Variants in CBARP observed in about 807,000 individuals in gnomAD.
CBARP encodes CACN subunit beta associated regulatory protein.
A neutral mutation model predicts 36.3 loss-of-function variants in CBARP; 24 were observed. That is an observed-to-expected ratio of 0.66 (90% CI 0.48 to 0.93). CBARP has a LOEUF of 0.93. Ranked by LOEUF, CBARP falls within the 40% of genes least tolerant of loss-of-function variation. The pLI is 0.00. For synonymous variants in CBARP, 586 were observed against 453.2 expected (o/e 1.29, Z -3.72); for missense variants, 1,146 against 980.4 (o/e 1.17, Z -2.26).
chr19:1,232,648 A>G (rs1389118512), intron 8 of CBARP, among the ~76,000 whole-genome samples: 1 of 152,246 alleles, frequency 6.6e-6, no homozygotes, highest in African/African-American at 2.4e-5. Context: ...CAAGGCCTGC[A>G]GAATTGAAGG....
intron 8 of CBARP, 32 bp from the exon 9 acceptor site, chr19:1,231,307 G>A (rs778611032): frequency 6.9e-6 from 11 of 1,587,638 alleles, no homozygotes; most frequent in African/African-American, 4.0e-5. Context: ...AGCGTCAGCC[G>A]GCATGTGCCT....
intron 6 of CBARP, 63 bp from the exon 7 acceptor site, chr19:1,234,394 G>A (rs1370737130): frequency 1.4e-6 from 2 of 1,435,726 alleles, no homozygotes; most frequent in South Asian, 1.5e-5. Flanking sequence ...GGTGGGTGAG[G>A]GACATGGGCA....
At chr19:1,238,446 C>G (rs997364504), upstream of CBARP, 1 of 152,624 alleles carries the variant, frequency 6.6e-6, no homozygotes, top group Non-Finnish European at 1.5e-5. Context: ...CCTCTCCTGC[C>G]CCCTCCCCTG....
At chr19:1,236,822 G>C (rs1246219957) in intron 1 of CBARP, among the ~76,000 whole-genome samples, 1 of 147,574 alleles carries the variant, frequency 6.8e-6, no homozygotes, top group East Asian at 2.0e-4. Context: ...GCCAGGGAGC[G>C]GCGGGGAGGG....
At position 1,229,682 on chromosome 19, in the gene CBARP, C is replaced by A. The variant is rs868864580; in HGVS notation, c.1615G>T (p.Asp539Tyr). Residue 539 changes from aspartate (D) to tyrosine (Y), a missense_variant, in exon 10 of 10, where the codon GAC becomes TAC. By Grantham distance (160) the Asp-to-Tyr change is radical. Coordinates refer to ENST00000650044, the MANE Select transcript of CBARP (RefSeq NM_001393918.1). This position sits in a 1 kb window ranked among gnomAD's most constrained non-coding sequence, Gnocchi z 5.1. ...TCCGTCTTCTCGTCGATGCTGTAGT[C>A]GCGGCGCGGGCGGCGGGGCCAGGCG... ...PRAWPRRPRR[D>Y]YSIDEKTDAL... The A allele has an allele frequency of 3.7e-6, 4 of 1,081,676 alleles. No homozygotes were observed. The South Asian group carries it at 7.9e-5, about 21-fold the overall frequency. The allele number at this position is 1,081,676 out of a possible 1,614,324, so 67.0% of individuals were successfully genotyped here.
chr19:1,229,734 G>C lies in CBARP; in HGVS notation c.1563C>G (p.Ala521=). Reference sequence around the variant, plus strand: ...GCGGGCTGCGGGGCCGGGCGGGCGCGGCAGGTGGCTCGGTGTCGTCGCCTG... The same window carrying C: ...GCGGGCTGCGGGGCCGGGCGGGCGCCGCAGGTGGCTCGGTGTCGTCGCCTG... ...RGAGDDTEPP[A]APARPRSPRA... Residue 521 remains alanine, a synonymous_variant, in exon 10 of 10, where the codon GCC becomes GCG. Coordinates refer to ENST00000650044, the MANE Select transcript of CBARP (RefSeq NM_001393918.1). The surrounding 1 kb of genome is among the most constrained non-coding windows in gnomAD (Gnocchi z 5.1). 1 of 987,146 alleles carries C rather than the reference G, an allele frequency of 1.0e-6. No homozygotes were observed. The highest frequency in any genetic ancestry group is 1.2e-6 in the Non-Finnish European group (1 of 830,938). The allele number at this position is 987,146 out of a possible 1,614,324, so 61.1% of individuals were successfully genotyped here. A position where few individuals can be genotyped will look rare whatever the true frequency, so the allele number is the denominator to read the frequency against.
intron 9 of CBARP, 93 bp from the exon 10 acceptor site, chr19:1,230,235 G>A (rs1191565736): frequency 1.0e-5 from 10 of 993,996 alleles, no homozygotes; most frequent in African/African-American, 8.7e-5. Context: ...GGGTGGACGC[G>A]GGTGGGACTT....
intron 3 of CBARP, 66 bp downstream of exon 3, chr19:1,235,713 C>T: frequency 2.5e-6 from 4 of 1,602,286 alleles, no homozygotes; most frequent in Non-Finnish European, 3.4e-6. Context: ...GTGAGGTAGA[C>T]CCCCCACCAC....
chr19:1,234,183 GC>G lies in CBARP; in HGVS notation c.768+7del. 6.6e-7 allele frequency: 1 copy of G among 1,512,416 alleles called. No homozygotes were observed. The highest frequency in any genetic ancestry group is 8.8e-7 in the Non-Finnish European group (1 of 1,135,216). 93.7% of individuals were successfully genotyped at this position (1,512,416 alleles called of 1,614,324 possible). ...TGGACACCATGGGGGACACGCAGGG[GC>G]CCTCACCGAGGTGCCTTCCCCAGAG... On this transcript the variant is annotated splice_region_variant and intron_variant, in intron 7 of 9. Coordinates refer to ENST00000650044, the MANE Select transcript of CBARP (RefSeq NM_001393918.1).
chr19:1,230,933 G>A, intron 9 of CBARP, 168 bp downstream of exon 9: 7 of 1,582,536 alleles, frequency 4.4e-6, no homozygotes, highest in Non-Finnish European at 6.0e-6. Context: ...GGTCCATGCT[G>A]GAGAGGTGGC....
At chr19:1,236,385 T>C (rs944040713) in intron 1 of CBARP, among the ~76,000 whole-genome samples, 1 of 152,166 alleles carries the variant, frequency 6.6e-6, no homozygotes, top group Non-Finnish European at 1.5e-5. Context: ...CCATCACAAC[T>C]GCACACAGCC....
intron 8 of CBARP, among the ~76,000 whole-genome samples, chr19:1,232,441 C>T (rs1016913567): frequency 1.3e-4 from 20 of 152,204 alleles, no homozygotes; most frequent in Non-Finnish European, 1.5e-5. Flanking sequence ...CCTGGCCTCA[C>T]CTGACGACAG....
chr19:1,230,154 G>T lies in CBARP; in HGVS notation c.1155-12C>A. ...CGGCCGCCTCTAGCCTGCAAGCCAG[G>T]CCGCGCCGTCAGAGCCCCGCCGAGC... On this transcript the variant is annotated splice_polypyrimidine_tract_variant and intron_variant, in intron 9 of 9. Coordinates refer to ENST00000650044, the MANE Select transcript of CBARP (RefSeq NM_001393918.1). 3 of 1,006,284 alleles carry T rather than the reference G, an allele frequency of 3.0e-6. No individual in the cohort carries two copies. Among genetic ancestry groups the T allele is most frequent in the Non-Finnish European group, 3.6e-6 (3 of 842,042 alleles). 62.3% of individuals were successfully genotyped at this position (1,006,284 alleles called of 1,614,324 possible). A position where few individuals can be genotyped will look rare whatever the true frequency, so the allele number is the denominator to read the frequency against.
intron 1 of CBARP, among the ~76,000 whole-genome samples, chr19:1,236,804 G>T (rs1258307070): frequency 6.7e-6 from 1 of 149,152 alleles, no homozygotes; most frequent in Non-Finnish European, 1.5e-5. Context: ...CGGCTGGGGG[G>T]GCGGGTTGCC....
Position 1,229,564 on chromosome 19 carries a change from C to CGGGCGTGCGG in CBARP, c.1723_1732dup (p.Arg578ProfsTer230). ...CTGCCGGCCACGCTGCCACTGTTTG[C>CGGGCGTGCGG]GGGCGTGCGGGTGCGCGCGGGCGCG... On this transcript the variant is annotated frameshift_variant, in exon 10 of 10. Coordinates refer to ENST00000650044, the MANE Select transcript of CBARP (RefSeq NM_001393918.1). LOFTEE classifies it low-confidence loss of function (END_TRUNC). This position sits in a 1 kb window ranked among gnomAD's most constrained non-coding sequence, Gnocchi z 5.1. 1 of 1,069,472 alleles carries CGGGCGTGCGG rather than the reference C, an allele frequency of 9.4e-7. No individual in the cohort carries two copies. The highest frequency in any genetic ancestry group is 1.1e-6 in the Non-Finnish European group (1 of 874,880). 66.2% of individuals were successfully genotyped at this position (1,069,472 alleles called of 1,614,324 possible).
In CBARP at chr19:1,229,288, G is replaced by A. The variant is rs761796227; in HGVS notation, c.2009C>T (p.Ala670Val). ...LPSGSVLDKL[A>V]AGLDERLFPP... ...AAAGAGTCTCTCGTCGAGGCCAGCC[G>A]CCAGCTTGTCCAGCACCGACCCGGA... is the stretch of plus-strand genomic sequence containing the variant. The change falls in exon 10 of 10, where the codon GCG becomes GTG. Residue 670 changes from alanine (A) to valine (V), a missense_variant. Transcript: ENST00000650044. The surrounding 1 kb of genome is among the most constrained non-coding windows in gnomAD (Gnocchi z 5.1). 1.4e-5 allele frequency: 18 copies of A among 1,259,016 alleles called. No individual in the cohort carries two copies. The highest frequency in any genetic ancestry group is 4.4e-4 in the Middle Eastern group (2 of 4,546). 78.0% of individuals were successfully genotyped at this position (1,259,016 alleles called of 1,614,324 possible). A position where few individuals can be genotyped will look rare whatever the true frequency, so the allele number is the denominator to read the frequency against.
rs1281979931 is a variant in CBARP at position 1,233,567 on chromosome 19, G to T, written c.838C>A (p.Pro280Thr). Reference protein sequence around the residue: ...GAAAGPGEAGPGSGAGTVLQF... With the variant: ...GAAAGPGEAGTGSGAGTVLQF... ...AGAACGGTACCTGCCCCGGATCCCG[G>T]GCCCGCCTCCCCAGGCCCTGCTGCA... Residue 280 changes from proline (P) to threonine (T), a missense_variant, in exon 8 of 10, where the codon CCG becomes ACG. Pro to Thr is a conservative substitution (Grantham distance 38). Coordinates refer to ENST00000650044, the MANE Select transcript of CBARP (RefSeq NM_001393918.1). 1 of 1,610,022 alleles carries T rather than the reference G, an allele frequency of 6.2e-7. No individual in the cohort carries two copies. Among genetic ancestry groups the T allele is most frequent in the South Asian group, 1.1e-5 (1 of 90,760 alleles).
chr19:1,234,480 G>A, intron 6 of CBARP, 91 bp downstream of exon 6: 1 of 1,443,692 alleles, frequency 6.9e-7, no homozygotes, highest in South Asian at 1.4e-5. Context: ...GGGCCACCCA[G>A]AAAAAGAGTG....
Position 1,228,556 on chromosome 19 carries a change from C to CCGG in CBARP, c.*620_*622dup. The stretch of plus-strand genomic sequence containing the variant: ...AGGGCCGGGGCCGGCTCCCTCAGGG[C>CCGG]CGGCGGCAGCAGCGGTGGCGGCGCG... On this transcript the variant is annotated 3_prime_UTR_variant, in exon 10 of 10. Coordinates refer to ENST00000650044, the MANE Select transcript of CBARP (RefSeq NM_001393918.1). 1 of 174,894 alleles carries CCGG rather than the reference C, an allele frequency of 5.7e-6. No homozygotes were observed. Among genetic ancestry groups the CCGG allele is most frequent in the East Asian group, 1.0e-4 (1 of 9,656 alleles). 10.8% of individuals were successfully genotyped at this position (174,894 alleles called of 1,614,324 possible).
Sources: gnomAD v4.1 joint callset for allele counts (sites outside exome capture counted in the v4.1 genomes callset) on GRCh38, gnomAD v4.1.1 for gene constraint, Gnocchi (gnomAD v3.1) non-coding constraint, MANE v1.5 for transcripts, NCBI Gene and HGNC (gene_info 2026-07-23, HGNC 2026-07-21) for gene names.